CFAP299: variants seen among roughly 807,000 people sequenced by gnomAD.
CFAP299 encodes the protein cilia and flagella associated protein 299.
Under a neutral mutation model 27.0 loss-of-function variants are expected in CFAP299, and 21 were observed. That is an observed-to-expected ratio of 0.78 (90% CI 0.55 to 1.12). The LOEUF (loss-of-function observed/expected upper bound fraction) is 1.12, where lower values mean the gene tolerates loss of function less well. Ranked by LOEUF, CFAP299 falls within the 50% of genes most tolerant of loss-of-function variation. CFAP299 has a pLI of 0.00. For synonymous variants in CFAP299, 104 were observed against 98.1 expected, an observed-to-expected ratio of 1.06 and a Z score of -0.36; for missense variants, 310 against 276.6, an observed-to-expected ratio of 1.12 and a Z score of -0.86.
chr4:80,681,635 G>T (rs1278729893), intron 3 of CFAP299, among the ~76,000 whole-genome samples: 3 of 151,828 alleles, frequency 2.0e-5, no homozygotes, highest in Non-Finnish European at 4.4e-5. Context: ...AGTGTTAAAA[G>T]AAAAAAAGGA....
In CFAP299 at chr4:80,945,091, T is replaced by TA. The variant is rs1420066293; in HGVS notation, c.606+158dup. 4.4e-6 allele frequency: 3 copies of TA among 688,850 alleles called. No homozygotes were observed. In the East Asian group the frequency reaches 8.2e-5, roughly 19 times the overall value. The allele number at this position is 688,850 out of a possible 1,614,324, so 42.7% of individuals were successfully genotyped here. The stretch of plus-strand genomic sequence containing the variant: ...GAAACTTAGAGCATGTACTACCTTT[T>TA]AAAAAACACTGCATAGCTTCATAAA... On this transcript the variant is annotated intron_variant, in intron 5 of 5. Transcript: ENST00000358105.
intron 3 of CFAP299, among the ~76,000 whole-genome samples, chr4:80,749,866 C>A (rs1237246517): frequency 6.6e-6 from 1 of 152,202 alleles, no homozygotes; most frequent in Non-Finnish European, 1.5e-5. Context: ...TCTCCTTTGG[C>A]AACACCCTCA....
Position 80,558,245 on chromosome 4 carries a change from A to G in CFAP299, c.243-24848A>G, listed in dbSNP as rs143211513. Reference sequence around the variant, plus strand: ...CTAATTAAATTGAATTACCTTGGAAATAAACATCATTTAAACAATTTTATT... The same window carrying G: ...CTAATTAAATTGAATTACCTTGGAAGTAAACATCATTTAAACAATTTTATT... On this transcript the variant is annotated intron_variant, in intron 2 of 5. Transcript: ENST00000358105. Among the ~76,000 whole-genome samples the G allele has an allele frequency of 4.3e-3, 658 of 152,266 alleles. 1 individual carries two copies. Among genetic ancestry groups the G allele is most frequent in the African/African-American group, 0.015 (633 of 41,550 alleles).
At chr4:80,423,060 T>C (rs1727364068) in intron 2 of CFAP299, among the ~76,000 whole-genome samples, 1 of 152,188 alleles carries the variant, frequency 6.6e-6, no homozygotes, top group Non-Finnish European at 1.5e-5. Flanking sequence ...AAAGTCACAG[T>C]AAACATAGGT....
chr4:80,850,822 G>T (rs1303634299), intron 3 of CFAP299, among the ~76,000 whole-genome samples: 1 of 152,088 alleles, frequency 6.6e-6, no homozygotes, highest in East Asian at 1.9e-4. Flanking sequence ...GGGAAACAAT[G>T]AGGTTTGAAA....
At chr4:80,800,267 A>T (rs1463981464) in intron 3 of CFAP299, among the ~76,000 whole-genome samples, 1 of 71,536 alleles carries the variant, frequency 1.4e-5, no homozygotes, top group African/African-American at 6.1e-5. Flanking sequence ...TATATAAATA[A>T]AATATATATA....
intron 2 of CFAP299, among the ~76,000 whole-genome samples, chr4:80,535,494 C>CAAAAAAAA (rs143122836): frequency 1.8e-4 from 6 of 33,278 alleles, no homozygotes; most frequent in Non-Finnish European, 4.9e-4. Context: ...GACTCCGTCT[C>CAAAAAAAA]AAAAAAAAAA....
chr4:80,495,462 A>G (rs1347147047), intron 2 of CFAP299, among the ~76,000 whole-genome samples: 2 of 152,164 alleles, frequency 1.3e-5, no homozygotes, highest in African/African-American at 4.8e-5. Context: ...AGGTTTTTTA[A>G]ATTTTCTACT....
chr4:80,466,869 G>A (rs1578477406), intron 2 of CFAP299, among the ~76,000 whole-genome samples: 1 of 152,192 alleles, frequency 6.6e-6, no homozygotes, highest in African/African-American at 2.4e-5. Flanking sequence ...AAGCAGAGAT[G>A]TATGCCAGTA....
At chr4:80,872,875 CTTA>C (rs1733174335) in intron 4 of CFAP299, 1 of 953,546 alleles carries the variant, frequency 1.0e-6, no homozygotes. Flanking sequence ...TCCTTTGCCT[CTTA>C]TGTGTATTTC....
At chr4:80,633,288 A>C (rs150103534) in intron 3 of CFAP299, among the ~76,000 whole-genome samples, 1,667 of 152,234 alleles carry the variant, frequency 0.011, 24 homozygotes, top group African/African-American at 0.038. Context: ...CTCTACTAAA[A>C]ATACAAAATT....
intron 2 of CFAP299, among the ~76,000 whole-genome samples, chr4:80,572,953 A>G (rs1367624578): frequency 6.6e-6 from 1 of 152,116 alleles, no homozygotes. Flanking sequence ...TGCAGACATG[A>G]TATACTGATA....
intron 3 of CFAP299, among the ~76,000 whole-genome samples, chr4:80,622,131 T>C (rs1353626868): frequency 1.3e-5 from 2 of 152,114 alleles, no homozygotes; most frequent in Non-Finnish European, 2.9e-5. Context: ...ATTGGACTCT[T>C]TAATGCAAAA....
At chr4:80,690,230 C>G (rs1368782430) in intron 3 of CFAP299, among the ~76,000 whole-genome samples, 1 of 150,588 alleles carries the variant, frequency 6.6e-6, no homozygotes, top group Non-Finnish European at 1.5e-5. Context: ...CCCAAATCAA[C>G]AGAATATACA....
intron 3 of CFAP299, among the ~76,000 whole-genome samples, chr4:80,845,385 T>G (rs1183589986): frequency 2.6e-5 from 4 of 152,130 alleles, no homozygotes; most frequent in Non-Finnish European, 5.9e-5. Flanking sequence ...TTATTGCATT[T>G]AAGTTAAATT....
rs192684682 is a variant in CFAP299 at position 80,812,571 on chromosome 4, G to C, written c.334-57422G>C. Among the ~76,000 whole-genome samples the C allele has an allele frequency of 7.2e-5, 11 of 152,118 alleles. No homozygotes were observed. In the East Asian group the frequency reaches 1.5e-3, roughly 21 times the overall value. On this transcript the variant is annotated intron_variant, in intron 3 of 5. Coordinates refer to ENST00000358105, the MANE Select transcript of CFAP299 (RefSeq NM_152770.3). ...TAATTGAACCACTTACCATCTCCAA[G>C]ATACTACATAGGGCTTGAAAACCTT...
intron 2 of CFAP299, among the ~76,000 whole-genome samples, chr4:80,378,051 T>A (rs1724505064): frequency 6.6e-6 from 1 of 152,018 alleles, no homozygotes; most frequent in Non-Finnish European, 1.5e-5. Context: ...TCCCCTGGGG[T>A]CCCTCCCACA....
intron 2 of CFAP299, among the ~76,000 whole-genome samples, chr4:80,515,508 T>C (rs1732539582): frequency 6.6e-6 from 1 of 152,194 alleles, no homozygotes; most frequent in Non-Finnish European, 1.5e-5. Flanking sequence ...TGTTTGCATA[T>C]TTCTATATTG....
At chr4:80,496,795 G>A (rs1578516418) in intron 2 of CFAP299, among the ~76,000 whole-genome samples, 1 of 152,164 alleles carries the variant, frequency 6.6e-6, no homozygotes, top group Admixed American at 6.5e-5. Flanking sequence ...TATACAGGAA[G>A]CATAATGCTG....
Sources: allele counts gnomAD v4.1 joint callset (sites outside exome capture counted in the v4.1 genomes callset), GRCh38; gene constraint gnomAD v4.1.1; transcripts MANE v1.5; gene names NCBI Gene and HGNC (gene_info 2026-07-23, HGNC 2026-07-21).